Variants in SHANK2 observed in about 807,000 individuals in gnomAD.
SHANK2 encodes SH3 and multiple ankyrin repeat domains protein 2.
In SHANK2, 43 loss-of-function variants were observed where a neutral mutation model predicts 133.7. The observed-to-expected ratio is 0.32, with a 90% CI of 0.25 to 0.41. The LOEUF is 0.41. Among genes scored for constraint, SHANK2 ranks in the 10% least tolerant of loss-of-function variants. The pLI is 1.00. For synonymous variants in SHANK2, 1,017 were observed against 952.8 expected (o/e 1.07, Z -1.24); for missense variants, 1,994 against 2,235.8 (o/e 0.89, Z 2.18).
At chr11:70,884,509 T>C (rs955297400) in intron 11 of SHANK2, among the ~76,000 whole-genome samples, 3 of 152,210 alleles carry the variant, frequency 2.0e-5, no homozygotes, top group Non-Finnish European at 4.4e-5. Flanking sequence ...AGCCCTGCCT[T>C]GGACCACACC....
At chr11:71,234,921 C>A (rs370108072) in intron 1 of SHANK2, among the ~76,000 whole-genome samples, 2 of 152,046 alleles carry the variant, frequency 1.3e-5, no homozygotes, top group Admixed American at 6.6e-5. Context: ...CAGCCAAAAC[C>A]CAGAAAGAAC....
intron 17 of SHANK2, among the ~76,000 whole-genome samples, chr11:70,594,636 C>T (rs1387177499): frequency 6.6e-6 from 1 of 152,056 alleles, no homozygotes; most frequent in Non-Finnish European, 1.5e-5. Context: ...CTTACTGGGT[C>T]CAGGGTTTCA....
At chr11:70,721,432 G>T (rs1946073654) in intron 14 of SHANK2, among the ~76,000 whole-genome samples, 1 of 152,244 alleles carries the variant, frequency 6.6e-6, no homozygotes, top group African/African-American at 2.4e-5. Flanking sequence ...CAGGCCGTGT[G>T]TACAGGAGCT....
At chr11:70,507,363 G>C (rs1183295452) in intron 17 of SHANK2, among the ~76,000 whole-genome samples, 4 of 152,234 alleles carry the variant, frequency 2.6e-5, no homozygotes, top group Non-Finnish European at 5.9e-5. Flanking sequence ...TGACATTCAT[G>C]AAACTGATTT....
At chr11:71,153,793 A>G (rs12273513) in intron 2 of SHANK2, among the ~76,000 whole-genome samples, 47,537 of 151,938 alleles carry the variant, frequency 0.31, 8,872 homozygotes, top group African/African-American at 0.51. Context: ...AACATGGTAA[A>G]ACCCCATCTC....
rs201719606 is a variant in SHANK2 at position 71,111,352 on chromosome 11, GT to G, written c.484-1304del. 1.6e-3 allele frequency among the ~76,000 whole-genome samples: 247 copies of G among 152,290 alleles called. 1 individual carries two copies. In the East Asian group the frequency reaches 0.039, roughly 24 times the overall value. On this transcript the variant is annotated intron_variant, in intron 5 of 25. Coordinates refer to ENST00000601538, the MANE Select transcript of SHANK2 (RefSeq NM_012309.5). ...ACACAGGCAGAAATAGCGATGCCTG[GT>G]CCCCGAGTGGCTCAAGGTGAAGTGC...
chr11:71,133,872 C>T (rs1555104230), intron 3 of SHANK2, among the ~76,000 whole-genome samples: 1 of 151,276 alleles, frequency 6.6e-6, no homozygotes, highest in South Asian at 2.1e-4. Context: ...TGGGAGAGAA[C>T]ATTCTGGAAC....
At chr11:70,515,915 G>C (rs1477364707) in intron 17 of SHANK2, among the ~76,000 whole-genome samples, 1 of 149,272 alleles carries the variant, frequency 6.7e-6, no homozygotes, top group East Asian at 1.9e-4. Context: ...TTTTTTCTTT[G>C]ATCTCACTGA....
In SHANK2 at chr11:70,486,306, C is replaced by T. The variant is rs781912791; in HGVS notation, c.3987G>A (p.Gln1329=). ...CCACCTCTGCCTTCTCGTCCTCTTC[C>T]TGCAGGGCGTTGTCCAGCTTAGTGG... is the stretch of plus-strand genomic sequence containing the variant. ...VDATKLDNAL[Q]EEDEKAEVEM... The change falls in exon 25 of 26, where the codon CAG becomes CAA. Residue 1329 remains glutamine (Q), a synonymous_variant. Coordinates refer to ENST00000601538, the MANE Select transcript of SHANK2 (RefSeq NM_012309.5). This position sits in a 1 kb window ranked among gnomAD's most constrained non-coding sequence, Gnocchi z 8.0. 1.9e-6 allele frequency: 3 copies of T among 1,613,916 alleles called. No homozygotes were observed. The highest frequency in any genetic ancestry group is 1.7e-5 in the Admixed American group (1 of 60,006).
intron 21 of SHANK2, among the ~76,000 whole-genome samples, chr11:70,497,955 T>C (rs2058994952): frequency 6.6e-6 from 1 of 152,246 alleles, no homozygotes; most frequent in African/African-American, 2.4e-5. Context: ...CCAGCCCCAT[T>C]GAGGGGCAGA....
chr11:70,724,540 T>TC (rs1462729201), intron 14 of SHANK2, among the ~76,000 whole-genome samples: 13 of 152,330 alleles, frequency 8.5e-5, no homozygotes, highest in Admixed American at 2.0e-4. Flanking sequence ...TTCTGAGTCA[T>TC]CCTCTCCTCC....
chr11:70,892,153 C>G (rs1250394538), intron 11 of SHANK2, among the ~76,000 whole-genome samples: 1 of 152,196 alleles, frequency 6.6e-6, no homozygotes, highest in Non-Finnish European at 1.5e-5. Flanking sequence ...CTTAGTCCAT[C>G]AGTCCATCCA....
chr11:70,954,479 A>C (rs1343462846), intron 10 of SHANK2, among the ~76,000 whole-genome samples: 1 of 152,202 alleles, frequency 6.6e-6, no homozygotes, highest in East Asian at 1.9e-4. Context: ...CTAAATTGCT[A>C]AATGTGGGAA....
At chr11:70,818,670 A>G (rs1948454139) in intron 12 of SHANK2, among the ~76,000 whole-genome samples, 1 of 152,126 alleles carries the variant, frequency 6.6e-6, no homozygotes, top group Non-Finnish European at 1.5e-5. Flanking sequence ...AGGAATCTAG[A>G]CCAGAAGCAG....
chr11:70,610,980 C>T (rs1336187289), intron 17 of SHANK2, among the ~76,000 whole-genome samples: 3 of 152,226 alleles, frequency 2.0e-5, no homozygotes, highest in Admixed American at 6.5e-5. Context: ...GCTCCAGCCT[C>T]TTTAAAAACC....
At chr11:70,566,543 G>A (rs1941755) in intron 17 of SHANK2, 1 of 152,094 alleles carries the variant, frequency 6.6e-6, no homozygotes, top group Admixed American at 6.5e-5. Context: ...TGTCTGAACC[G>A]CAACATGGTT....
At chr11:71,058,649 AC>A (rs1233959649) in intron 9 of SHANK2, among the ~76,000 whole-genome samples, 3 of 152,264 alleles carry the variant, frequency 2.0e-5, no homozygotes, top group African/African-American at 4.8e-5. Flanking sequence ...AGCGCAGGTC[AC>A]AGCCGAAGCC....
At position 70,820,411 on chromosome 11, in the gene SHANK2, G is replaced by T. The variant is rs782008478; in HGVS notation, c.1446C>A (p.Gly482=). ...RSRSPSLNRL[G]GAGEDGKRPQ... ...GCCTCTTGCCGTCCTCGCCTGCGCC[G>T]CCCAGCCTGTTGAGCGATGGGGACC... Residue 482 remains glycine (G), a synonymous_variant, in exon 12 of 26, where the codon GGC becomes GGA. Transcript: ENST00000601538. The T allele has an allele frequency of 1.4e-6, 1 of 695,418 alleles. No homozygotes were observed. Among genetic ancestry groups the T allele is most frequent in the South Asian group, 1.5e-5 (1 of 65,292 alleles). The allele number at this position is 695,418 out of a possible 1,614,324, so 43.1% of individuals were successfully genotyped here.
At chr11:71,139,040 G>T (rs1310611272) in intron 3 of SHANK2, among the ~76,000 whole-genome samples, 3 of 152,140 alleles carry the variant, frequency 2.0e-5, no homozygotes, top group Non-Finnish European at 4.4e-5. Context: ...AGGGGGTCAG[G>T]TTGGCAGTGC....
Sources: allele counts gnomAD v4.1 joint callset (sites outside exome capture counted in the v4.1 genomes callset), GRCh38; gene constraint gnomAD v4.1.1; non-coding constraint Gnocchi (gnomAD v3.1); transcripts MANE v1.5; gene names NCBI Gene and HGNC (gene_info 2026-07-23, HGNC 2026-07-21).